Variants in DEPTOR observed in about 807,000 individuals in gnomAD.
The protein encoded by DEPTOR is DEP domain containing MTOR interacting protein, also known as DEP domain-containing mTOR-interacting protein.
A neutral mutation model predicts 41.6 loss-of-function variants in DEPTOR; 41 were observed. That is an observed-to-expected ratio of 0.98 (90% CI 0.77 to 1.28). The LOEUF is 1.28. DEPTOR is among the 50% of genes most tolerant of loss of function. The pLI is 0.00. For synonymous variants in DEPTOR, 195 were observed against 192.3 expected, an observed-to-expected ratio of 1.01 and a Z score of -0.12; for missense variants, 514 against 527.9, an observed-to-expected ratio of 0.97 and a Z score of 0.26.
At chr8:119,999,259 T>G (rs1812313103) in intron 4 of DEPTOR, among the ~76,000 whole-genome samples, 2 of 132,182 alleles carry the variant, frequency 1.5e-5, no homozygotes, top group African/African-American at 2.9e-5. Flanking sequence ...AAAACAAGAG[T>G]GAAATTCTGT....
intron 8 of DEPTOR, among the ~76,000 whole-genome samples, chr8:120,032,409 T>A (rs1586666739): frequency 6.6e-6 from 1 of 152,118 alleles, no homozygotes; most frequent in Admixed American, 6.6e-5. Context: ...TTAGTAGAGA[T>A]GAGGTTTCAC....
intron 1 of DEPTOR, among the ~76,000 whole-genome samples, chr8:119,891,641 C>A (rs80146099): frequency 0.02 from 3,071 of 152,246 alleles, 57 homozygotes; most frequent in Middle Eastern, 0.051. Flanking sequence ...TGCCTGTCCC[C>A]CCCAGCAAAG....
chr8:120,029,072 T>TG (rs1812845976), intron 8 of DEPTOR, among the ~76,000 whole-genome samples: 1 of 146,434 alleles, frequency 6.8e-6, no homozygotes, highest in Non-Finnish European at 1.5e-5. Context: ...AAACTCCATC[T>TG]AAAAAAAAAA....
At chr8:119,874,044 G>C (rs1827199896) in intron 1 of DEPTOR, 76 bp downstream of exon 1, 1 of 1,581,018 alleles carries the variant, frequency 6.3e-7, no homozygotes, top group Non-Finnish European at 8.6e-7. Context: ...GCGCGCACGC[G>C]CTCCCTGGCT....
At chr8:120,020,387 G>GT (rs779522886) in intron 8 of DEPTOR, among the ~76,000 whole-genome samples, 10 of 151,814 alleles carry the variant, frequency 6.6e-5, no homozygotes, top group Admixed American at 1.3e-4. Context: ...AGCTTGTTTT[G>GT]TTTTTTGAGA....
intron 4 of DEPTOR, among the ~76,000 whole-genome samples, chr8:119,969,178 C>T (rs1828601554): frequency 6.6e-6 from 1 of 151,970 alleles, no homozygotes; most frequent in Admixed American, 6.6e-5. Flanking sequence ...ACTGTATATC[C>T]TTGGCTTTAG....
At chr8:120,003,968 A>G (rs1280214359) in intron 6 of DEPTOR, among the ~76,000 whole-genome samples, 1 of 152,054 alleles carries the variant, frequency 6.6e-6, no homozygotes, top group Admixed American at 6.6e-5. Flanking sequence ...TCTCAAACCC[A>G]TTTGTTTAAG....
In DEPTOR at chr8:119,908,776, G is replaced by C. The variant is rs138093167; in HGVS notation, c.123-19624G>C. On this transcript the variant is annotated intron_variant, in intron 1 of 8. Transcript: ENST00000286234. ...ACTTGAGTTGCTATTGAATCAAGCT[G>C]TTTGTCCCTGAGCTTCCCTTGTGTA... is the stretch of plus-strand genomic sequence containing the variant. 8.3e-4 allele frequency among the ~76,000 whole-genome samples: 127 copies of C among 152,320 alleles called. 2 individuals carry two copies. The highest frequency in any genetic ancestry group is 2.7e-3 in the African/African-American group (114 of 41,580).
chr8:119,987,140 G>A (rs1007687745), intron 4 of DEPTOR, among the ~76,000 whole-genome samples: 6 of 152,076 alleles, frequency 3.9e-5, no homozygotes, highest in Non-Finnish European at 5.9e-5. Context: ...CAGTCTTTTT[G>A]TGCTGGTTTT....
intron 3 of DEPTOR, among the ~76,000 whole-genome samples, chr8:119,958,565 T>G (rs1828447976): frequency 6.6e-6 from 1 of 151,990 alleles, no homozygotes; most frequent in Non-Finnish European, 1.5e-5. Context: ...GTGAATCACT[T>G]GAGGTCAGGA....
intron 8 of DEPTOR, among the ~76,000 whole-genome samples, chr8:120,047,781 C>A (rs1161898249): frequency 6.6e-6 from 1 of 152,138 alleles, no homozygotes; most frequent in African/African-American, 2.4e-5. Context: ...TGTGGTGGCT[C>A]ACACCTATAA....
intron 1 of DEPTOR, among the ~76,000 whole-genome samples, chr8:119,875,763 G>C (rs1586592761): frequency 1.3e-5 from 2 of 152,306 alleles, no homozygotes; most frequent in East Asian, 3.9e-4. Context: ...GTGGAGGAAG[G>C]TATTGAGGAC....
At chr8:119,956,131 AATG>A (rs1282058835) in intron 3 of DEPTOR, among the ~76,000 whole-genome samples, 1 of 152,198 alleles carries the variant, frequency 6.6e-6, no homozygotes. Context: ...CATATAATTA[AATG>A]ATGGTTATTT....
chr8:120,000,457 TAAG>T (rs1812329594), intron 4 of DEPTOR, among the ~76,000 whole-genome samples: 2 of 152,046 alleles, frequency 1.3e-5, no homozygotes, highest in Admixed American at 1.3e-4. Flanking sequence ...TATTTCAAAA[TAAG>T]AAGTTATTTT....
intron 4 of DEPTOR, among the ~76,000 whole-genome samples, chr8:119,982,014 TAAAA>T (rs35334859): frequency 1.5e-5 from 1 of 65,688 alleles, no homozygotes; most frequent in African/African-American, 6.5e-5. Flanking sequence ...ATTCCATCTC[TAAAA>T]AAAAAAAAAA....
At chr8:119,989,295 C>T (rs759916698) in intron 4 of DEPTOR, among the ~76,000 whole-genome samples, 10 of 152,054 alleles carry the variant, frequency 6.6e-5, no homozygotes, top group Non-Finnish European at 7.4e-5. Context: ...GCCACCGTGC[C>T]GGGCCATTGG....
chr8:119,992,656 A>ATTT (rs35642906), intron 4 of DEPTOR, among the ~76,000 whole-genome samples: 9 of 133,756 alleles, frequency 6.7e-5, no homozygotes, highest in Admixed American at 1.6e-4. Flanking sequence ...AGTAGAGTAA[A>ATTT]TTTTTTTTTT....
intron 1 of DEPTOR, among the ~76,000 whole-genome samples, chr8:119,918,473 T>C (rs1827844193): frequency 6.6e-6 from 1 of 151,532 alleles, no homozygotes. Context: ...TTTATTTATT[T>C]ATTTAGAGAC....
At chr8:119,955,153 C>T (rs1004418063) in intron 3 of DEPTOR, among the ~76,000 whole-genome samples, 5 of 152,084 alleles carry the variant, frequency 3.3e-5, no homozygotes, top group Non-Finnish European at 7.4e-5. Context: ...CCACTGCACC[C>T]GGCCTCTATG....
Sources: gnomAD v4.1 joint callset for allele counts (sites outside exome capture counted in the v4.1 genomes callset) on GRCh38, gnomAD v4.1.1 for gene constraint, MANE v1.5 for transcripts, NCBI Gene and HGNC (gene_info 2026-07-23, HGNC 2026-07-21) for gene names.